Variants in ANKRD42 observed in about 807,000 individuals in gnomAD.
ANKRD42 encodes ankyrin repeat domain 42.
Under a neutral mutation model 51.5 loss-of-function variants are expected in ANKRD42, and 43 were observed. The observed-to-expected ratio is 0.83, with a 90% CI of 0.65 to 1.08. The LOEUF is 1.08. ANKRD42 is among the 50% of genes least tolerant of loss of function. ANKRD42 has a pLI of 0.00. For synonymous variants in ANKRD42, 203 were observed against 213.0 expected, an observed-to-expected ratio of 0.95 and a Z score of 0.41; for missense variants, 608 against 629.3, an observed-to-expected ratio of 0.97 and a Z score of 0.36.
intron 5 of ANKRD42, chr11:83,214,465 T>C (rs1862451461): frequency 2.0e-6 from 2 of 980,018 alleles, no homozygotes; most frequent in African/African-American, 3.5e-5. Flanking sequence ...TCCAATTGTT[T>C]CTTTAAACAT....
At chr11:83,204,479 A>C (rs1308215883) in intron 2 of ANKRD42, among the ~76,000 whole-genome samples, 1 of 152,200 alleles carries the variant, frequency 6.6e-6, no homozygotes, top group Non-Finnish European at 1.5e-5. Flanking sequence ...GGGGATTCCA[A>C]AAGTAGATAG....
intron 9 of ANKRD42, among the ~76,000 whole-genome samples, chr11:83,242,391 A>T (rs924987774): frequency 6.6e-6 from 1 of 151,740 alleles, no homozygotes; most frequent in Non-Finnish European, 1.5e-5. Context: ...AGAGTTGTTT[A>T]TGGCTTGGAC....
In ANKRD42 at chr11:83,245,491, C is replaced by G. The variant is rs1465263902; in HGVS notation, c.1196-7C>G. On this transcript the variant is annotated splice_region_variant and splice_polypyrimidine_tract_variant and intron_variant, in intron 9 of 10. Coordinates refer to ENST00000533342, the MANE Select transcript of ANKRD42 (RefSeq NM_001300975.2). ...TAACTAGGTTCCTACTCAACTCTGTCTTGCAGTGAGAGCTTACAAGAAAAT... is the reference window on the plus strand; with the variant it reads ...TAACTAGGTTCCTACTCAACTCTGTGTTGCAGTGAGAGCTTACAAGAAAAT... 6.5e-7 allele frequency: 1 copy of G among 1,535,968 alleles called. No individual in the cohort carries two copies. The highest frequency in any genetic ancestry group is 2.0e-5 in the Admixed American group (1 of 50,934).
At chr11:83,223,130 A>G (rs1862764683) in intron 5 of ANKRD42, among the ~76,000 whole-genome samples, 1 of 152,122 alleles carries the variant, frequency 6.6e-6, no homozygotes, top group Non-Finnish European at 1.5e-5. Flanking sequence ...CACACCTGTA[A>G]TCCCAGCTAC....
At chr11:83,226,210 TACACAC>T (rs5793051) in intron 6 of ANKRD42, among the ~76,000 whole-genome samples, 3 of 151,144 alleles carry the variant, frequency 2.0e-5, no homozygotes, top group South Asian at 2.1e-4. Flanking sequence ...TATGTACACA[TACACAC>T]ACACACACAC....
intron 5 of ANKRD42, among the ~76,000 whole-genome samples, chr11:83,217,440 A>G (rs1282054447): frequency 6.6e-6 from 1 of 152,236 alleles, no homozygotes; most frequent in African/African-American, 2.4e-5. Context: ...AGCAGGCGAG[A>G]GTAATACCAG....
rs1452664686 is a variant in ANKRD42 at position 83,227,833 on chromosome 11, A to G, written c.874A>G (p.Asn292Asp). 1 of 1,612,998 alleles carries G rather than the reference A, an allele frequency of 6.2e-7. No homozygotes were observed. The highest frequency in any genetic ancestry group is 8.5e-7 in the Non-Finnish European group (1 of 1,179,688). ...KLVEDGVINI[N>D]ERADNGSTPM... Reference sequence around the variant, plus strand: ...AGTGGAAGATGGAGTAATCAATATTAATGAGCGTGCTGATAATGGATCAAC... The same window carrying G: ...AGTGGAAGATGGAGTAATCAATATTGATGAGCGTGCTGATAATGGATCAAC... The change falls in exon 7 of 11, where the codon AAT becomes GAT. Residue 292 changes from asparagine (N) to aspartate (D), a missense_variant. Coordinates refer to ENST00000533342, the MANE Select transcript of ANKRD42 (RefSeq NM_001300975.2).
chr11:83,194,945 G>T (rs546230185), intron 1 of ANKRD42, among the ~76,000 whole-genome samples: 27 of 152,050 alleles, frequency 1.8e-4, no homozygotes, highest in Middle Eastern at 6.8e-3. Context: ...CTATTCCTCC[G>T]AGTCTTCTTG....
At chr11:83,241,273 A>G (rs1433756941) in intron 9 of ANKRD42, among the ~76,000 whole-genome samples, 1 of 152,198 alleles carries the variant, frequency 6.6e-6, no homozygotes, top group Non-Finnish European at 1.5e-5. Context: ...AATAGCAACA[A>G]ATATTTATTG....
At chr11:83,200,079 T>G (rs1861809713) in intron 2 of ANKRD42, among the ~76,000 whole-genome samples, 1 of 152,054 alleles carries the variant, frequency 6.6e-6, no homozygotes, top group African/African-American at 2.4e-5. Context: ...TTTTCTGGGT[T>G]TTTTTGCTCT....
At chr11:83,211,093 T>C (rs1306262458) in intron 4 of ANKRD42, among the ~76,000 whole-genome samples, 1 of 152,362 alleles carries the variant, frequency 6.6e-6, no homozygotes, top group South Asian at 2.1e-4. Flanking sequence ...TTTATGTGAC[T>C]CGTTCTTTTG....
At chr11:83,230,500 A>T (rs1863033978) in intron 7 of ANKRD42, among the ~76,000 whole-genome samples, 1 of 152,136 alleles carries the variant, frequency 6.6e-6, no homozygotes, top group South Asian at 2.1e-4. Context: ...AGGTGAGAAC[A>T]TGCAAAGTTT....
chr11:83,261,790 C>G, downstream of ANKRD42: 1 of 677,914 alleles, frequency 1.5e-6, no homozygotes, highest in Non-Finnish European at 2.6e-6. Context: ...TCTTTTAGTC[C>G]GTATACACTT....
downstream of ANKRD42, chr11:83,260,929 T>C (rs1703498973): frequency 6.6e-6 from 1 of 152,236 alleles, no homozygotes; most frequent in Admixed American, 6.5e-5. Flanking sequence ...AGCTTTGTTT[T>C]ATGTAATAAA....
chr11:83,211,557 G>C, intron 5 of ANKRD42, 127 bp downstream of exon 5: 1 of 1,046,652 alleles, frequency 9.6e-7, no homozygotes, highest in Middle Eastern at 3.1e-4. Flanking sequence ...AGCACTTTGA[G>C]AGGCTGAGGC....
Position 83,209,462 on chromosome 11 carries a change from G to C in ANKRD42, c.331-838G>C, listed in dbSNP as rs1862220143. ...CGACGAGGAGTTTGAGTATCGACAT[G>C]TCGTGCTGCCCAAGGACATAGCCAA... is the stretch of plus-strand genomic sequence containing the variant. On this transcript the variant is annotated intron_variant, in intron 3 of 10. Transcript: ENST00000533342. The C allele has an allele frequency of 2.1e-6, 3 of 1,461,326 alleles. No homozygotes were observed. The Admixed American group carries it at 5.0e-5, about 25-fold the overall frequency. The allele number at this position is 1,461,326 out of a possible 1,614,324, so 90.5% of individuals were successfully genotyped here.
In ANKRD42 at chr11:83,194,705, C is replaced by T; in HGVS notation, c.35C>T (p.Ser12Phe). The T allele has an allele frequency of 6.2e-7, 1 of 1,607,300 alleles. No individual in the cohort carries two copies. The highest frequency in any genetic ancestry group is 8.5e-7 in the Non-Finnish European group (1 of 1,176,588). The change falls in exon 1 of 11, where the codon TCC (serine) becomes TTC (phenylalanine). Residue 12 changes from serine to phenylalanine, a missense_variant. Transcript: ENST00000533342. ...PGVANSGPST[S>F]SRETANPCSR... ...GTGGCCAATTCAGGCCCCTCCACTT[C>T]CTCTAGGGAGACTGCAAACCCCTGT...
intron 5 of ANKRD42, among the ~76,000 whole-genome samples, chr11:83,215,709 A>G (rs1235492075): frequency 6.6e-6 from 1 of 152,220 alleles, no homozygotes; most frequent in African/African-American, 2.4e-5. Context: ...AAAGGAATAG[A>G]AACAAGGAAA....
chr11:83,254,534 C>T lies in ANKRD42; in HGVS notation c.1465-1311C>T, dbSNP rs536455393. 2.0e-3 allele frequency among the ~76,000 whole-genome samples: 302 copies of T among 149,994 alleles called. 1 individual carries two copies. The highest frequency in any genetic ancestry group is 3.3e-3 in the Non-Finnish European group (220 of 67,690). ...GCAGCCTCTGTCTCCTGGGTTCAAG[C>T]GATTCTCCTGCCTCAGCCTCCTGAG... On this transcript the variant is annotated intron_variant, in intron 11 of 11. Transcript: ENST00000260047.
Sources: gnomAD v4.1 joint callset for allele counts (sites outside exome capture counted in the v4.1 genomes callset) on GRCh38, gnomAD v4.1.1 for gene constraint, MANE v1.5 for transcripts, NCBI Gene and HGNC (gene_info 2026-07-23, HGNC 2026-07-21) for gene names.